Variants in ULK4 observed in about 807,000 individuals in gnomAD.
ULK4 encodes inactive serine/threonine-protein kinase ULK4.
Under a neutral mutation model 160.6 loss-of-function variants are expected in ULK4, and 133 were observed. That is an observed-to-expected ratio of 0.83 (90% confidence interval 0.72 to 0.96). The LOEUF is 0.96. ULK4 is among the 40% of genes least tolerant of loss of function. The probability of loss-of-function intolerance (pLI) is 0.00; values close to 1 mark genes in which losing one functional copy is unlikely to be tolerated. For synonymous variants in ULK4, 534 were observed against 539.8 expected, an observed-to-expected ratio of 0.99 and a Z score of 0.15; for missense variants, 1,580 against 1,499.5, an observed-to-expected ratio of 1.05 and a Z score of -0.89.
At chr3:41,850,374 G>C (rs1157255817) in intron 17 of ULK4, among the ~76,000 whole-genome samples, 1 of 152,106 alleles carries the variant, frequency 6.6e-6, no homozygotes, top group South Asian at 2.1e-4. Flanking sequence ...CTAGATCTCT[G>C]AGGAATCGCC....
At chr3:41,341,765 C>T (rs184928818) in intron 35 of ULK4, among the ~76,000 whole-genome samples, 2 of 152,278 alleles carry the variant, frequency 1.3e-5, no homozygotes, top group Admixed American at 6.5e-5. Context: ...AGCATCCCCA[C>T]GGAGACCCCA....
At chr3:41,620,531 T>C (rs766034319) in intron 30 of ULK4, among the ~76,000 whole-genome samples, 10 of 152,210 alleles carry the variant, frequency 6.6e-5, no homozygotes, top group South Asian at 6.2e-4. Flanking sequence ...ATTATCTCAA[T>C]AGATGCAGAA....
At chr3:41,555,200 A>T (rs1043660599) in intron 32 of ULK4, among the ~76,000 whole-genome samples, 4 of 152,148 alleles carry the variant, frequency 2.6e-5, no homozygotes, top group Non-Finnish European at 5.9e-5. Flanking sequence ...AAACACACAC[A>T]TTCTAGTAAA....
intron 33 of ULK4, among the ~76,000 whole-genome samples, chr3:41,459,708 G>A (rs1315848415): frequency 1.3e-5 from 2 of 152,266 alleles, no homozygotes; most frequent in East Asian, 3.9e-4. Context: ...GAAGTCATAT[G>A]GAGTACAAAT....
At chr3:41,715,412 A>G in intron 24 of ULK4, 35 bp downstream of exon 24, 1 of 1,613,686 alleles carries the variant, frequency 6.2e-7, no homozygotes, top group Non-Finnish European at 8.5e-7. Context: ...AGAAGAGGCA[A>G]ATTTATATCC....
intron 6 of ULK4, 52 bp from the exon 7 acceptor site, chr3:41,918,592 ATTCTT>A: frequency 9.4e-6 from 6 of 637,406 alleles, no homozygotes; most frequent in South Asian, 2.6e-5. Context: ...ATCACCAATA[ATTCTT>A]TTTTTTTTTT....
chr3:41,326,130 A>G (rs1208462702), intron 35 of ULK4, among the ~76,000 whole-genome samples: 2 of 152,046 alleles, frequency 1.3e-5, no homozygotes, highest in African/African-American at 4.8e-5. Context: ...CACCATAAGC[A>G]TGGGCAGGGG....
At chr3:41,806,585 A>G (rs1461576660) in intron 19 of ULK4, among the ~76,000 whole-genome samples, 1 of 151,834 alleles carries the variant, frequency 6.6e-6, no homozygotes, top group Non-Finnish European at 1.5e-5. Flanking sequence ...TTAGGGTGTC[A>G]ATTTTGGATC....
chr3:41,826,729 T>G (rs2041370249), intron 18 of ULK4, among the ~76,000 whole-genome samples: 1 of 150,124 alleles, frequency 6.7e-6, no homozygotes, highest in Non-Finnish European at 1.5e-5. Context: ...AACACCCCAC[T>G]GTCAACATTA....
chr3:41,846,387 T>C (rs541406056), intron 17 of ULK4, among the ~76,000 whole-genome samples: 70 of 152,256 alleles, frequency 4.6e-4, no homozygotes, highest in African/African-American at 1.7e-3. Context: ...ATGAATAAGG[T>C]AAAATAGATT....
chr3:41,749,968 C>G (rs1220008212), intron 22 of ULK4, among the ~76,000 whole-genome samples: 2 of 152,008 alleles, frequency 1.3e-5, no homozygotes, highest in East Asian at 1.9e-4. Flanking sequence ...GAGCATGAAC[C>G]CCAGCCAAAT....
chr3:41,369,720 G>A (rs1341298761), intron 35 of ULK4, among the ~76,000 whole-genome samples: 2 of 151,496 alleles, frequency 1.3e-5, no homozygotes, highest in Non-Finnish European at 2.9e-5. Flanking sequence ...CTTGAACTCG[G>A]GAGGCAGAGC....
chr3:41,261,054 G>A (rs2078930594), intron 35 of ULK4, among the ~76,000 whole-genome samples: 1 of 152,154 alleles, frequency 6.6e-6, no homozygotes, highest in Admixed American at 6.5e-5. Context: ...TCTCCATGTG[G>A]TGTACTCCAG....
chr3:41,949,863 A>G (rs183199418), intron 2 of ULK4, among the ~76,000 whole-genome samples: 84 of 151,482 alleles, frequency 5.5e-4, no homozygotes, highest in Non-Finnish European at 6.9e-4. Context: ...CAACCTCCCA[A>G]GTAGCTGAGA....
intron 21 of ULK4, among the ~76,000 whole-genome samples, chr3:41,779,785 T>G (rs2125580999): frequency 1.2e-5 from 1 of 84,822 alleles, no homozygotes; most frequent in East Asian, 2.7e-4. Context: ...AATTGAACAA[T>G]GAGATCACTT....
At chr3:41,762,655 CT>C (rs35695794) in intron 21 of ULK4, among the ~76,000 whole-genome samples, 11,948 of 88,702 alleles carry the variant, frequency 0.13, 283 homozygotes, top group Non-Finnish European at 0.17. Context: ...AAGTGTTACA[CT>C]TTTTTTTTTT....
chr3:41,690,652 C>T (rs1282572298), intron 27 of ULK4, among the ~76,000 whole-genome samples: 6 of 151,560 alleles, frequency 4.0e-5, no homozygotes, highest in East Asian at 3.9e-4. Context: ...TTTAGCTACT[C>T]TGCTACCCCC....
At chr3:41,652,277 C>T (rs1330696829) in intron 30 of ULK4, among the ~76,000 whole-genome samples, 2 of 152,040 alleles carry the variant, frequency 1.3e-5, no homozygotes, top group African/African-American at 2.4e-5. Flanking sequence ...GATCAATTAC[C>T]TTTGATCTTC....
At chr3:41,545,304 T>C (rs2086822467) in intron 32 of ULK4, among the ~76,000 whole-genome samples, 1 of 152,362 alleles carries the variant, frequency 6.6e-6, no homozygotes, top group Non-Finnish European at 1.5e-5. Context: ...CTGAAAAACT[T>C]AATTTAGCAT....
Sources: allele counts gnomAD v4.1 joint callset (sites outside exome capture counted in the v4.1 genomes callset), GRCh38; gene constraint gnomAD v4.1.1; transcripts MANE v1.5; gene names NCBI Gene and HGNC (gene_info 2026-07-23, HGNC 2026-07-21).